The following EGLN1 variants were observed in gnomAD, a reference collection of about 807,000 sequenced individuals.
EGLN1 encodes the protein egl-9 family hypoxia inducible factor 1, also known as egl nine homolog 1.
EGLN1 carries 17 observed loss-of-function variants against 38.3 expected under a neutral mutation model. The observed-to-expected ratio is 0.44, with a 90% CI of 0.30 to 0.67. EGLN1 has a LOEUF of 0.67. EGLN1 is among the 30% of genes least tolerant of loss of function. EGLN1 has a pLI of 0.08. For synonymous variants in EGLN1, 283 were observed against 257.5 expected (o/e 1.10, Z -0.95); for missense variants, 477 against 603.3 (o/e 0.79, Z 2.19).
chr1:231,403,054 A>T (rs1407292850), intron 1 of EGLN1, among the ~76,000 whole-genome samples: 1 of 152,108 alleles, frequency 6.6e-6, no homozygotes, highest in African/African-American at 2.4e-5. Context: ...GATTTTCAAA[A>T]TTTCATTTTA....
intron 1 of EGLN1, among the ~76,000 whole-genome samples, chr1:231,377,653 C>T (rs1175307878): frequency 1.3e-5 from 2 of 152,138 alleles, no homozygotes; most frequent in African/African-American, 4.8e-5. Flanking sequence ...CAGAATAGAA[C>T]AAAACTGAGG....
rs771491532 is a variant in EGLN1 at position 231,367,584 on chromosome 1, C to T, written c.1201G>A (p.Val401Ile). 4 of 1,614,022 alleles carry T rather than the reference C, an allele frequency of 2.5e-6. No individual in the cohort carries two copies. The South Asian group carries it at 4.4e-5, about 18-fold the overall frequency. Reference sequence around the variant, plus strand: ...TGACGTTTACCTGTTAGATATTTTACTTTAGCTCGTGCTCTCTCATCTGCA... The same window carrying T: ...TGACGTTTACCTGTTAGATATTTTATTTTAGCTCGTGCTCTCTCATCTGCA... ...FDADERARAK[V>I]KYLTGEKGVR... Residue 401 changes from valine (V) to isoleucine (I), a missense_variant, in exon 4 of 5, where the codon GTA becomes ATA. This residue lies in a region of EGLN1 where 59 missense variants were observed against 119.0 expected (regional missense o/e 0.50). Coordinates refer to ENST00000366641, the MANE Select transcript of EGLN1 (RefSeq NM_022051.3).
Position 231,420,850 on chromosome 1 carries a change from C to T in EGLN1, c.891+148G>A, listed in dbSNP as rs933835847. On this transcript the variant is annotated intron_variant, in intron 1 of 4. Coordinates refer to ENST00000366641, the MANE Select transcript of EGLN1 (RefSeq NM_022051.3). ...GATAAACAGCTACTACAAATTCTGTCCGTCTTCCTTACGGGGAGCTACACA... is the reference window on the plus strand; with the variant it reads ...GATAAACAGCTACTACAAATTCTGTTCGTCTTCCTTACGGGGAGCTACACA... 1.3e-5 allele frequency: 19 copies of T among 1,509,970 alleles called. No individual in the cohort carries two copies. In the Admixed American group the frequency reaches 2.8e-4, roughly 22 times the overall value. 93.5% of individuals were successfully genotyped at this position (1,509,970 alleles called of 1,614,324 possible). A position where few individuals can be genotyped will look rare whatever the true frequency, so the allele number is the denominator to read the frequency against.
intron 1 of EGLN1, 33 bp from the exon 2 acceptor site, chr1:231,374,132 CA>C (rs1687896335): frequency 1.2e-6 from 2 of 1,604,558 alleles, no homozygotes; most frequent in Non-Finnish European, 1.7e-6. Context: ...TATTAAAGTC[CA>C]TGTATAAATA....
In EGLN1 at chr1:231,363,998, A is replaced by G. The variant is rs1001759334; in HGVS notation, c.*2413T>C. ...GATTAAACACATATAGGCCACAAAC[A>G]GTTTTAAATTTTGTTTGAAATAGAG... On this transcript the variant is annotated 3_prime_UTR_variant, in exon 5 of 5. Transcript: ENST00000366641. The G allele has an allele frequency of 6.6e-6, 1 of 152,198 alleles. No homozygotes were observed. Among genetic ancestry groups the G allele is most frequent in the African/African-American group, 2.4e-5 (1 of 41,452 alleles). The allele number at this position is 152,198 out of a possible 1,614,324, so 9.4% of individuals were successfully genotyped here.
At chr1:231,407,487 T>C (rs1688828265) in intron 1 of EGLN1, among the ~76,000 whole-genome samples, 1 of 152,198 alleles carries the variant, frequency 6.6e-6, no homozygotes, top group Non-Finnish European at 1.5e-5. Flanking sequence ...ATCAACGTGG[T>C]ATCAATGTTG....
At chr1:231,402,981 A>G (rs1688700281) in intron 1 of EGLN1, among the ~76,000 whole-genome samples, 3 of 151,648 alleles carry the variant, frequency 2.0e-5, no homozygotes, top group African/African-American at 7.3e-5. Context: ...CCATTGCTCT[A>G]CATCTATTTC....
chr1:231,380,188 T>C (rs180834741), intron 1 of EGLN1, among the ~76,000 whole-genome samples: 139 of 152,148 alleles, frequency 9.1e-4, no homozygotes, highest in African/African-American at 3.1e-3. Flanking sequence ...AGAGAACAGA[T>C]TGTCATGAAA....
intron 1 of EGLN1, among the ~76,000 whole-genome samples, chr1:231,400,134 A>T (rs2491412): frequency 0.6 from 91,106 of 151,466 alleles, 27,665 homozygotes; most frequent in Non-Finnish European, 0.65. Context: ...TGAGAGGTGT[A>T]TATAAGACTT....
At chr1:231,394,514 G>A (rs1446061826) in intron 1 of EGLN1, among the ~76,000 whole-genome samples, 1 of 150,356 alleles carries the variant, frequency 6.7e-6, no homozygotes, top group Non-Finnish European at 1.5e-5. Context: ...GAGTAGCTGG[G>A]ACTACAGGCG....
At chr1:231,413,317 C>G (rs1689000205) in intron 1 of EGLN1, among the ~76,000 whole-genome samples, 2 of 152,122 alleles carry the variant, frequency 1.3e-5, no homozygotes, top group South Asian at 4.1e-4. Context: ...CTCAAGTGAT[C>G]CGCCCACCTC....
At chr1:231,407,339 C>G (rs759381161) in intron 1 of EGLN1, among the ~76,000 whole-genome samples, 5 of 152,126 alleles carry the variant, frequency 3.3e-5, no homozygotes, top group African/African-American at 4.8e-5. Context: ...TTAACTCATG[C>G]CCTCTTTTGT....
chr1:231,371,501 TGTC>T (rs1234855734), intron 2 of EGLN1, among the ~76,000 whole-genome samples: 1 of 152,212 alleles, frequency 6.6e-6, no homozygotes, highest in Non-Finnish European at 1.5e-5. Flanking sequence ...CCATCATTAT[TGTC>T]GTCGTCACCA....
chr1:231,421,557 T>C lies in EGLN1; in HGVS notation c.332A>G (p.Lys111Arg). The C allele has an allele frequency of 7.6e-7, 1 of 1,307,990 alleles. No homozygotes were observed. Among genetic ancestry groups the C allele is most frequent in the Non-Finnish European group, 9.7e-7 (1 of 1,033,820 alleles). The allele number at this position is 1,307,990 out of a possible 1,614,324, so 81.0% of individuals were successfully genotyped here. The stretch of plus-strand genomic sequence containing the variant: ...GTCGGCCGGGGGCTTGGCCTTTACT[T>C]TTCCCTTGGCCGCGTCCCCGGAGGC... ...DNASGDAAKG[K>R]VKAKPPADPA... The change falls in exon 1 of 5, where the codon AAA becomes AGA. Residue 111 changes from lysine (K) to arginine (R), a missense_variant. Coordinates refer to ENST00000366641, the MANE Select transcript of EGLN1 (RefSeq NM_022051.3). The surrounding 1 kb of genome is among the most constrained non-coding windows in gnomAD (Gnocchi z 5.5).
chr1:231,421,976 G>T lies in EGLN1; in HGVS notation c.-88C>A. 1.5e-6 allele frequency: 2 copies of T among 1,292,626 alleles called. No individual in the cohort carries two copies. The allele number at this position is 1,292,626 out of a possible 1,614,324, so 80.1% of individuals were successfully genotyped here. A position where few individuals can be genotyped will look rare whatever the true frequency, so the allele number is the denominator to read the frequency against. On this transcript the variant is annotated 5_prime_UTR_variant, in exon 1 of 5. Transcript: ENST00000366641. The surrounding 1 kb of genome is among the most constrained non-coding windows in gnomAD (Gnocchi z 5.5). ...GCCTCGCCCGAGGCTGGGGAGCGGG[G>T]AGAGAGATAGGGGCCGTTACTGCGC...
chr1:231,397,971 A>G (rs957048499), intron 1 of EGLN1, among the ~76,000 whole-genome samples: 26 of 152,212 alleles, frequency 1.7e-4, no homozygotes, highest in Admixed American at 6.5e-4. Context: ...CTACCTCCCC[A>G]AAGAACCACA....
chr1:231,370,410 G>T (rs1687791018), intron 3 of EGLN1, 152 bp downstream of exon 3: 2 of 829,202 alleles, frequency 2.4e-6, no homozygotes, highest in South Asian at 1.5e-5. Context: ...AGATGACTGT[G>T]CAACATAAAT....
intron 1 of EGLN1, among the ~76,000 whole-genome samples, chr1:231,402,387 A>G (rs114931889): frequency 0.032 from 4,861 of 150,996 alleles, 262 homozygotes; most frequent in African/African-American, 0.11. Context: ...TGAGGTCACA[A>G]GGATTTTTCT....
intron 2 of EGLN1, among the ~76,000 whole-genome samples, chr1:231,371,236 C>G (rs895467171): frequency 2.6e-5 from 4 of 152,152 alleles, no homozygotes; most frequent in African/African-American, 9.7e-5. Flanking sequence ...AGAATGTTAT[C>G]TGAATTTAAA....
Sources: allele counts gnomAD v4.1 joint callset (sites outside exome capture counted in the v4.1 genomes callset), GRCh38; gene constraint gnomAD v4.1.1; regional missense constraint gnomAD v4.1.1; non-coding constraint Gnocchi (gnomAD v3.1); transcripts MANE v1.5; gene names NCBI Gene and HGNC (gene_info 2026-07-23, HGNC 2026-07-21).